The following CRYGS variants were observed in gnomAD, a reference collection of about 807,000 sequenced individuals.
The protein encoded by CRYGS is gamma-crystallin S.
In CRYGS, 13 loss-of-function variants were observed where a neutral mutation model predicts 21.3. The observed-to-expected ratio is 0.61, with a 90% CI of 0.40 to 0.97. The LOEUF (loss-of-function observed/expected upper bound fraction) is 0.97, where lower values mean the gene tolerates loss of function less well. Ranked by LOEUF, CRYGS falls within the 50% of genes least tolerant of loss-of-function variation. CRYGS has a pLI of 0.00. For synonymous variants in CRYGS, 67 were observed against 75.0 expected, an observed-to-expected ratio of 0.89 and a Z score of 0.55; for missense variants, 205 against 229.7, an observed-to-expected ratio of 0.89 and a Z score of 0.69.
chr3:186,538,460 A>T lies in CRYGS; in HGVS notation c.*236T>A. 1 of 587,130 alleles carries T rather than the reference A, an allele frequency of 1.7e-6. No individual in the cohort carries two copies. Among genetic ancestry groups the T allele is most frequent in the Non-Finnish European group, 3.0e-6 (1 of 330,384 alleles). The allele number at this position is 587,130 out of a possible 1,614,324, so 36.4% of individuals were successfully genotyped here. A position where few individuals can be genotyped will look rare whatever the true frequency, so the allele number is the denominator to read the frequency against. On this transcript the variant is annotated 3_prime_UTR_variant, in exon 3 of 3. Coordinates refer to ENST00000307944, the MANE Select transcript of CRYGS (RefSeq NM_017541.4). ...TGTCAGTATGACTTTCTAACCTTTT[A>T]ATGAGATCTCATTTTGTTTGGCACA...
At chr3:186,541,569 G>GAT (rs1256228325) in intron 1 of CRYGS, among the ~76,000 whole-genome samples, 2 of 152,372 alleles carry the variant, frequency 1.3e-5, no homozygotes, top group East Asian at 3.9e-4. Context: ...AAAACAGGAT[G>GAT]ATAGTGTCTC....
intron 2 of CRYGS, 69 bp downstream of exon 2, chr3:186,539,286 C>A: frequency 6.2e-7 from 1 of 1,604,628 alleles, no homozygotes; most frequent in Non-Finnish European, 8.5e-7. Context: ...AGAAAATGTT[C>A]ACCTAAAAGC....
rs754469078 is a variant in CRYGS at position 186,538,830 on chromosome 3, C to T, written c.403G>A (p.Gly135Ser). The T allele has an allele frequency of 6.2e-7, 1 of 1,614,082 alleles. No individual in the cohort carries two copies. The highest frequency in any genetic ancestry group is 1.1e-5 in the South Asian group (1 of 91,076). ...GGTAGCTCATAGAAAATCCAGACAC[C>T]CTCCAGCACCTTACAGGAGTGGATC... ...REIHSCKVLE[G>S]VWIFYELPNY... The change falls in exon 3 of 3, where the codon GGT (glycine) becomes AGT (serine). Residue 135 changes from glycine (G) to serine (S), a missense_variant. By Grantham distance (56) the Gly-to-Ser change is moderately conservative. Coordinates refer to ENST00000307944, the MANE Select transcript of CRYGS (RefSeq NM_017541.4).
rs4686786 is a variant in CRYGS, at chr3:186,538,560, T to C, written c.*136A>G. ...ACTGTGGCGAGCACTGTATTGCTGGTCCCTAGAAGCATTTAAGGAGAGGCA... is the reference window on the plus strand; with the variant it reads ...ACTGTGGCGAGCACTGTATTGCTGGCCCCTAGAAGCATTTAAGGAGAGGCA... On this transcript the variant is annotated 3_prime_UTR_variant, in exon 3 of 3. Transcript: ENST00000307944. The C allele has an allele frequency of 1.8e-6, 2 of 1,113,000 alleles. No homozygotes were observed. The highest frequency in any genetic ancestry group is 1.5e-5 in the African/African-American group (1 of 65,388). The allele number at this position is 1,113,000 out of a possible 1,614,324, so 68.9% of individuals were successfully genotyped here.
chr3:186,542,883 A>G (rs897969570), intron 1 of CRYGS, among the ~76,000 whole-genome samples: 2 of 152,106 alleles, frequency 1.3e-5, no homozygotes, highest in African/African-American at 4.8e-5. Flanking sequence ...TGCATGGTAT[A>G]TTTTCAAGAA....
At chr3:186,540,001 T>C (rs946489769) in intron 1 of CRYGS, 6 of 232,858 alleles carry the variant, frequency 2.6e-5, no homozygotes, top group African/African-American at 1.4e-4. Flanking sequence ...GAGCTATCAA[T>C]CCTCTGTGCC....
At chr3:186,543,016 G>A (rs1018631717) in intron 1 of CRYGS, among the ~76,000 whole-genome samples, 1 of 152,020 alleles carries the variant, frequency 6.6e-6, no homozygotes, top group African/African-American at 2.4e-5. Flanking sequence ...CAAGTTAACA[G>A]GTACCTTCTG....
At position 186,539,350 on chromosome 3, in the gene CRYGS, C is replaced by A; in HGVS notation, c.264+5G>T. 3 of 1,612,150 alleles carry A rather than the reference C, an allele frequency of 1.9e-6. No homozygotes were observed. Among genetic ancestry groups the A allele is most frequent in the Non-Finnish European group, 2.5e-6 (3 of 1,179,990 alleles). On this transcript the variant is annotated splice_donor_5th_base_variant and intron_variant, in intron 2 of 2. Coordinates refer to ENST00000307944, the MANE Select transcript of CRYGS (RefSeq NM_017541.4). ...ACAGAGGGAGTACACAGTCCCCAGA[C>A]TCACCAGATGAACAGCTCTGCAGGA...
In CRYGS at chr3:186,539,563, C is replaced by T. The variant is rs750658278; in HGVS notation, c.56G>A (p.Arg19His). Residue 19 changes from arginine to histidine, a missense_variant, in exon 2 of 3, where the codon CGT becomes CAT. Physicochemically the swap from Arg to His is conservative, Grantham distance 29 (BLOSUM62 0). Transcript: ENST00000307944. The part of the protein sequence containing the change: ...TFYEDKNFQG[R>H]RYDCDCDCAD... ...ACAGTCGCAATCACAGTCATAGCGA[C>T]GGCCTTGAAAATTTTTGTCTTCATA... 3.8e-5 allele frequency: 62 copies of T among 1,613,932 alleles called. No homozygotes were observed. Among genetic ancestry groups the T allele is most frequent in the Middle Eastern group, 1.7e-4 (1 of 6,058 alleles).
intron 1 of CRYGS, among the ~76,000 whole-genome samples, chr3:186,543,235 A>C (rs1714108470): frequency 6.6e-6 from 1 of 152,152 alleles, no homozygotes; most frequent in African/African-American, 2.4e-5. Flanking sequence ...AAAACTAAAG[A>C]GAATAAAGAG....
In CRYGS at chr3:186,539,718, T is replaced by C. The variant is rs1289397743; in HGVS notation, c.22-121A>G. 5.8e-6 allele frequency: 7 copies of C among 1,215,818 alleles called. No individual in the cohort carries two copies. In the East Asian group the frequency reaches 9.7e-5, roughly 17 times the overall value. 75.3% of individuals were successfully genotyped at this position (1,215,818 alleles called of 1,614,324 possible). ...TTCACCTCAATTTTGAGGAAAAATA[T>C]GTAGCTGTACGTCACCTTACAACAT... On this transcript the variant is annotated intron_variant, in intron 1 of 2. Transcript: ENST00000307944.
In CRYGS at chr3:186,539,580, G is replaced by T. The variant is rs147971015; in HGVS notation, c.39C>A (p.Asp13Glu). The change falls in exon 2 of 3, where the codon GAC becomes GAA. Residue 13 changes from aspartate to glutamate, a missense_variant. By Grantham distance (45) the Asp-to-Glu change is conservative (BLOSUM62 2). Coordinates refer to ENST00000307944, the MANE Select transcript of CRYGS (RefSeq NM_017541.4). ...KTGTKITFYE[D>E]KNFQGRRYDC... ...CATAGCGACGGCCTTGAAAATTTTT[G>T]TCTTCATAGAAAGTAATCTGAAGTA... is the stretch of plus-strand genomic sequence containing the variant. The T allele has an allele frequency of 4.1e-4, 659 of 1,613,992 alleles. 2 individuals carry two copies. Among genetic ancestry groups the T allele is most frequent in the Middle Eastern group, 3.8e-3 (23 of 6,042 alleles).
intron 1 of CRYGS, among the ~76,000 whole-genome samples, chr3:186,543,643 A>G (rs1714119351): frequency 6.6e-6 from 1 of 152,184 alleles, no homozygotes; most frequent in Non-Finnish European, 1.5e-5. Flanking sequence ...AAAATTTTCA[A>G]ATAGCTGGGG....
rs1270401706 is a variant in CRYGS, at chr3:186,538,723, G to A, written c.510C>T (p.Val170=). 6.2e-7 allele frequency: 1 copy of A among 1,614,072 alleles called. No individual in the cohort carries two copies. Among genetic ancestry groups the A allele is most frequent in the Non-Finnish European group, 8.5e-7 (1 of 1,180,042 alleles). Residue 170 remains valine, a synonymous_variant, in exon 3 of 3, where the codon GTC becomes GTT. Coordinates refer to ENST00000307944, the MANE Select transcript of CRYGS (RefSeq NM_017541.4). ...ACTCCACAATGCGGCGGAAAGACTG[G>A]ACAGCTGGGGAGGCTGCACCCCAAT... The part of the protein sequence containing the change: ...PIDWGAASPA[V]QSFRRIVE
intron 1 of CRYGS, among the ~76,000 whole-genome samples, chr3:186,541,527 C>A (rs1214270190): frequency 6.6e-6 from 1 of 152,192 alleles, no homozygotes; most frequent in African/African-American, 2.4e-5. Flanking sequence ...TTGGACAGGG[C>A]AATGAACCTT....
chr3:186,542,835 C>T (rs935675965), intron 1 of CRYGS, among the ~76,000 whole-genome samples: 3 of 152,082 alleles, frequency 2.0e-5, no homozygotes. Context: ...CATGGATATC[C>T]CTCCTCTAAG....
chr3:186,538,864 G>A lies in CRYGS; in HGVS notation c.369C>T (p.His123=), dbSNP rs1226321001. ...CCTTACAGGAGTGGATCTCTCGCAT[G>A]TGAAATTGCTCCATGATGGAAGGGC... is the stretch of plus-strand genomic sequence containing the variant. The part of the protein sequence containing the change: ...EDCPSIMEQF[H]MREIHSCKVL... The change falls in exon 3 of 3, where the codon CAC becomes CAT. Residue 123 remains histidine, a synonymous_variant. Transcript: ENST00000307944. 6.2e-7 allele frequency: 1 copy of A among 1,614,090 alleles called. No individual in the cohort carries two copies.
At position 186,539,500 on chromosome 3, in the gene CRYGS, A is replaced by C; in HGVS notation, c.119T>G (p.Ile40Ser). 1 of 1,613,924 alleles carries C rather than the reference A, an allele frequency of 6.2e-7. No homozygotes were observed. Among genetic ancestry groups the C allele is most frequent in the East Asian group, 2.2e-5 (1 of 44,880 alleles). ...AGCCCAGGTGCCTCCTTCCACTTTAATGGAGTTGCAGCGACTTAGGTATGT... is the reference window on the plus strand; with the variant it reads ...AGCCCAGGTGCCTCCTTCCACTTTACTGGAGTTGCAGCGACTTAGGTATGT... The part of the protein sequence containing the change: ...FHTYLSRCNS[I>S]KVEGGTWAVY... Residue 40 changes from isoleucine (I) to serine (S), a missense_variant, in exon 2 of 3, where the codon ATT (isoleucine) becomes AGT (serine). Physicochemically the swap from Ile to Ser is moderately radical, Grantham distance 142. Coordinates refer to ENST00000307944, the MANE Select transcript of CRYGS (RefSeq NM_017541.4).
chr3:186,538,586 T>C lies in CRYGS; in HGVS notation c.*110A>G. On this transcript the variant is annotated 3_prime_UTR_variant, in exon 3 of 3. Coordinates refer to ENST00000307944, the MANE Select transcript of CRYGS (RefSeq NM_017541.4). The stretch of plus-strand genomic sequence containing the variant: ...CCCTAGAAGCATTTAAGGAGAGGCA[T>C]TATAGTCAGCAGTGGGATGCATGCC... The C allele has an allele frequency of 7.2e-7, 1 of 1,392,282 alleles. No homozygotes were observed. Among genetic ancestry groups the C allele is most frequent in the Non-Finnish European group, 1.0e-6 (1 of 989,458 alleles). 86.2% of individuals were successfully genotyped at this position (1,392,282 alleles called of 1,614,324 possible).
Sources: gnomAD v4.1 joint callset for allele counts (sites outside exome capture counted in the v4.1 genomes callset) on GRCh38, gnomAD v4.1.1 for gene constraint, MANE v1.5 for transcripts, NCBI Gene and HGNC (gene_info 2026-07-23, HGNC 2026-07-21) for gene names.